RNF180: variants seen among roughly 807,000 people sequenced by gnomAD.
RNF180 encodes E3 ubiquitin-protein ligase RNF180.
RNF180 carries 38 observed loss-of-function variants against 59.2 expected under a neutral mutation model. The ratio of observed to expected loss-of-function variants is 0.64; its 90% CI spans 0.50 to 0.84. The LOEUF (loss-of-function observed/expected upper bound fraction) is 0.84, where lower values mean the gene tolerates loss of function less well. Among genes scored for constraint, RNF180 ranks in the 40% least tolerant of loss-of-function variants. The pLI is 0.00. For missense variants in RNF180, 705 were observed against 700.9 expected, an observed-to-expected ratio of 1.01 and a Z score of -0.07; for synonymous variants, 262 against 240.3, an observed-to-expected ratio of 1.09 and a Z score of -0.84.
At chr5:64,317,986 A>T (rs1744152888) in intron 5 of RNF180, among the ~76,000 whole-genome samples, 1 of 152,208 alleles carries the variant, frequency 6.6e-6, no homozygotes, top group Admixed American at 6.5e-5. Flanking sequence ...GTAATTTATT[A>T]AACACTGCAC....
intron 5 of RNF180, among the ~76,000 whole-genome samples, chr5:64,315,195 A>G (rs1424489801): frequency 6.6e-6 from 1 of 152,228 alleles, no homozygotes; most frequent in Non-Finnish European, 1.5e-5. Flanking sequence ...AAAAGTCATT[A>G]AGTATTGGGA....
intron 5 of RNF180, among the ~76,000 whole-genome samples, chr5:64,249,182 C>T (rs1743395991): frequency 6.6e-6 from 1 of 152,028 alleles, no homozygotes; most frequent in Admixed American, 6.6e-5. Flanking sequence ...CAGCAAATGA[C>T]CGTGGCATGT....
At chr5:64,357,922 C>T (rs1165310007) in intron 7 of RNF180, among the ~76,000 whole-genome samples, 1 of 151,840 alleles carries the variant, frequency 6.6e-6, no homozygotes, top group Admixed American at 6.6e-5. Context: ...TTTTTATAAC[C>T]TAAACCTGAT....
At chr5:64,316,906 G>A (rs984455895) in intron 5 of RNF180, among the ~76,000 whole-genome samples, 2 of 152,102 alleles carry the variant, frequency 1.3e-5, no homozygotes, top group Non-Finnish European at 2.9e-5. Context: ...ACACCCCCTG[G>A]CAAATACTAA....
At chr5:64,234,422 C>T (rs543118950) in intron 5 of RNF180, among the ~76,000 whole-genome samples, 8 of 151,682 alleles carry the variant, frequency 5.3e-5, no homozygotes, top group East Asian at 2.0e-4. Context: ...GCCAAGATCG[C>T]GCCAGTGCAC....
chr5:64,292,893 A>G (rs1742678249), intron 5 of RNF180, among the ~76,000 whole-genome samples: 1 of 152,232 alleles, frequency 6.6e-6, no homozygotes, highest in South Asian at 2.1e-4. Flanking sequence ...CACTCAAAGA[A>G]GCGGTCTGGC....
intron 5 of RNF180, among the ~76,000 whole-genome samples, chr5:64,243,637 G>T (rs568425312): frequency 2.6e-5 from 4 of 152,322 alleles, no homozygotes; most frequent in Non-Finnish European, 2.9e-5. Context: ...CAGAGCAGCT[G>T]GGGGAAGGGG....
At chr5:64,208,019 T>C (rs1752111730) in intron 2 of RNF180, among the ~76,000 whole-genome samples, 1 of 152,084 alleles carries the variant, frequency 6.6e-6, no homozygotes, top group East Asian at 1.9e-4. Flanking sequence ...TTTTTACATG[T>C]AACTTGTTAC....
intron 5 of RNF180, among the ~76,000 whole-genome samples, chr5:64,231,671 G>A (rs969709093): frequency 6.6e-6 from 1 of 152,214 alleles, no homozygotes; most frequent in African/African-American, 2.4e-5. Flanking sequence ...ACATGTTTAA[G>A]ATTCTCTTCT....
intron 7 of RNF180, among the ~76,000 whole-genome samples, chr5:64,361,971 C>T (rs1746270903): frequency 6.6e-6 from 1 of 151,336 alleles, no homozygotes; most frequent in African/African-American, 2.4e-5. Context: ...CTCATAAGCT[C>T]AACCCTACCA....
At chr5:64,286,503 A>G (rs1359883081) in intron 5 of RNF180, among the ~76,000 whole-genome samples, 1 of 152,224 alleles carries the variant, frequency 6.6e-6, no homozygotes, top group African/African-American at 2.4e-5. Context: ...AACAATTATG[A>G]AGTATTATAA....
At chr5:64,208,217 T>C (rs1451093374) in intron 2 of RNF180, among the ~76,000 whole-genome samples, 1 of 152,066 alleles carries the variant, frequency 6.6e-6, no homozygotes, top group Non-Finnish European at 1.5e-5. Flanking sequence ...AAACATAATG[T>C]TGTCAACATT....
chr5:64,206,288 T>TA (rs976677456), intron 2 of RNF180, among the ~76,000 whole-genome samples: 41 of 152,324 alleles, frequency 2.7e-4, no homozygotes, highest in African/African-American at 9.1e-4. Context: ...GTCAAACACT[T>TA]ACAATAAAAC....
intron 7 of RNF180, among the ~76,000 whole-genome samples, chr5:64,344,536 C>A (rs1182945344): frequency 5.9e-5 from 8 of 135,968 alleles, no homozygotes; most frequent in African/African-American, 2.3e-4. Context: ...GAAAAAAAAA[C>A]ACACACAATG....
At chr5:64,209,058 G>A (rs1752171883) in intron 2 of RNF180, among the ~76,000 whole-genome samples, 1 of 151,976 alleles carries the variant, frequency 6.6e-6, no homozygotes, top group African/African-American at 2.4e-5. Flanking sequence ...ATATAAGAAA[G>A]TTTATTGCCC....
chr5:64,302,933 G>A (rs1743233455), intron 5 of RNF180, among the ~76,000 whole-genome samples: 2 of 151,642 alleles, frequency 1.3e-5, no homozygotes, highest in African/African-American at 4.8e-5. Context: ...TGTAGATACT[G>A]TGTTTTTAAC....
In RNF180 at chr5:64,187,920, T is replaced by G. The variant is rs892432802; in HGVS notation, c.1-12888T>G. ...TTAGGTGATTGTCTGTTTTGCAAGT[T>G]CAGCCATTTTACGTTTTTGCAGCAT... On this transcript the variant is annotated intron_variant, in intron 1 of 7. Transcript: ENST00000389100. Among the ~76,000 whole-genome samples the G allele has an allele frequency of 2.0e-5, 3 of 152,186 alleles. No individual in the cohort carries two copies. In the East Asian group the frequency reaches 5.8e-4, roughly 29 times the overall value.
At chr5:64,174,959 CTTTTTTTTTTTTTTTT>C (rs370660214) in intron 1 of RNF180, among the ~76,000 whole-genome samples, 1 of 84,756 alleles carries the variant, frequency 1.2e-5, no homozygotes, top group Non-Finnish European at 2.3e-5. Flanking sequence ...TAATCCAGTT[CTTTTTTTTTTTTTTTT>C]TTTTTTTTTT....
At chr5:64,312,132 A>T (rs139634005) in intron 5 of RNF180, among the ~76,000 whole-genome samples, 44 of 152,188 alleles carry the variant, frequency 2.9e-4, no homozygotes, top group African/African-American at 1.0e-3. Flanking sequence ...CTACTGAGTA[A>T]GTTCTTACCT....
Sources: allele counts gnomAD v4.1 joint callset (sites outside exome capture counted in the v4.1 genomes callset), GRCh38; gene constraint gnomAD v4.1.1; transcripts MANE v1.5; gene names NCBI Gene and HGNC (gene_info 2026-07-23, HGNC 2026-07-21).